Variants in MYH16 observed in about 807,000 individuals in gnomAD.
MYH16 encodes myosin heavy chain 16, also known as putative uncharacterized protein MYH16.
chr7:99,254,660 A>C (rs898808484), intron 8 of MYH16, among the ~76,000 whole-genome samples: 1 of 152,224 alleles, frequency 6.6e-6, no homozygotes, highest in Non-Finnish European at 1.5e-5. Context: ...TCCACGGCAG[A>C]CCTGCCCAGA....
At chr7:99,262,456 C>T (rs1791947554) in intron 13 of MYH16, among the ~76,000 whole-genome samples, 1 of 152,230 alleles carries the variant, frequency 6.6e-6, no homozygotes, top group Non-Finnish European at 1.5e-5. Flanking sequence ...TGCAGCTCTC[C>T]ATCCCCTCTT....
intron 8 of MYH16, among the ~76,000 whole-genome samples, chr7:99,254,961 C>T (rs1791853918): frequency 6.6e-6 from 1 of 151,940 alleles, no homozygotes; most frequent in African/African-American, 2.4e-5. Flanking sequence ...TTAGCAAGAC[C>T]CTGTCTCTAC....
intron 39 of MYH16, among the ~76,000 whole-genome samples, 159 bp from the exon 21 acceptor site, chr7:99,304,427 A>T (rs948413271): frequency 6.6e-6 from 1 of 151,918 alleles, no homozygotes; most frequent in African/African-American, 2.4e-5. Context: ...AGCATAGAGC[A>T]CCCCTTCCAC....
At chr7:99,267,588 C>T (rs141318313) in intron 18 of MYH16, among the ~76,000 whole-genome samples, 2 of 152,314 alleles carry the variant, frequency 1.3e-5, no homozygotes, top group East Asian at 1.9e-4. Context: ...ATGGATCTGG[C>T]CCGTGGGGAA....
intron 8 of MYH16, among the ~76,000 whole-genome samples, chr7:99,255,311 G>C (rs768738359): frequency 6.6e-6 from 1 of 151,986 alleles, no homozygotes; most frequent in Non-Finnish European, 1.5e-5. Context: ...AATTAGCCAG[G>C]TGTGGTGGTG....
intron 30 of MYH16, chr7:99,290,762 C>T (rs1792361173): frequency 6.6e-6 from 1 of 150,396 alleles, no homozygotes; most frequent in Admixed American, 6.6e-5. Context: ...GAGAGCACGC[C>T]ACTGTACTCC....
At chr7:99,264,197 C>T (rs1376760788) in intron 14 of MYH16, 1 of 152,674 alleles carries the variant, frequency 6.5e-6, no homozygotes, top group African/African-American at 2.4e-5. Context: ...CTTAATGGGG[C>T]TGCCTTTCTC....
intron 33 of MYH16, among the ~76,000 whole-genome samples, chr7:99,295,377 C>CAA (rs55710388): frequency 6.9e-5 from 10 of 145,680 alleles, no homozygotes; most frequent in African/African-American, 2.2e-4. Context: ...ACTCTGGCTC[C>CAA]AAAAAAAAAA....
chr7:99,246,082 C>T (rs1312238793), intron 2 of MYH16, among the ~76,000 whole-genome samples: 3 of 151,786 alleles, frequency 2.0e-5, no homozygotes, highest in Non-Finnish European at 2.9e-5. Flanking sequence ...GGCACATGCC[C>T]GTAGTCCCAG....
exon 11 of MYH16, chr7:99,258,312 T>A (rs1383102904): frequency 6.5e-6 from 1 of 154,138 alleles, no homozygotes; most frequent in Admixed American, 6.5e-5. Context: ...TGGCCAGGAT[T>A]AACAAGACCT....
chr7:99,280,867 G>A lies in MYH16; in HGVS notation n.2888-9G>A. The A allele has an allele frequency of 3.0e-6, 1 of 337,542 alleles. No individual in the cohort carries two copies. Among genetic ancestry groups the A allele is most frequent in the Non-Finnish European group, 5.9e-6 (1 of 168,806 alleles). The allele number at this position is 337,542 out of a possible 1,614,324, so 20.9% of individuals were successfully genotyped here. ...AAGGATCTACCTCTCTCCCTGCCCT[G>A]GTTTCTAGGCCCTGGATCACAAGGT... On this transcript the variant is annotated splice_polypyrimidine_tract_variant and intron_variant and non_coding_transcript_variant, in intron 22 of 41. Transcript: ENST00000439784.
chr7:99,241,472 A>C (rs1301303822), intron 1 of MYH16, among the ~76,000 whole-genome samples: 1 of 152,146 alleles, frequency 6.6e-6, no homozygotes, highest in Non-Finnish European at 1.5e-5. Context: ...AATCCCAGTT[A>C]CTTGGGAGGC....
chr7:99,299,700 C>T lies in MYH16; in HGVS notation n.4933+42C>T, dbSNP rs987991912. 21 of 152,946 alleles carry T rather than the reference C, an allele frequency of 1.4e-4. No individual in the cohort carries two copies. The Admixed American group carries it at 1.4e-3, about 10-fold the overall frequency. 9.5% of individuals were successfully genotyped at this position (152,946 alleles called of 1,614,324 possible). A position where few individuals can be genotyped will look rare whatever the true frequency, so the allele number is the denominator to read the frequency against. On this transcript the variant is annotated intron_variant and non_coding_transcript_variant, in intron 37 of 41. Transcript: ENST00000439784. ...AGGAGAAATGAGATACAAGGCACAC[C>T]ATCATTGGTTGAGTCTGAAGGCCTA... is the stretch of plus-strand genomic sequence containing the variant.
At chr7:99,302,715 T>TA (rs967661243) in intron 38 of MYH16, among the ~76,000 whole-genome samples, 1 of 151,916 alleles carries the variant, frequency 6.6e-6, no homozygotes, top group Non-Finnish European at 1.5e-5. Flanking sequence ...ACTCTGTCTC[T>TA]AAAAACATAT....
Position 99,263,273 on chromosome 7 carries a change from G to A in MYH16, n.1756-61G>A, listed in dbSNP as rs149123268. 749 of 152,918 alleles carry A rather than the reference G, an allele frequency of 4.9e-3. 7 individuals are homozygous for A. Among genetic ancestry groups the A allele is most frequent in the South Asian group, 0.018 (88 of 4,830 alleles). 9.5% of individuals were successfully genotyped at this position (152,918 alleles called of 1,614,324 possible). ...GAGAGCTGTAGGAGGGGCTCTAGCT[G>A]TGGCACCTGAAAGGGAGAGGCTGAA... On this transcript the variant is annotated intron_variant and non_coding_transcript_variant, in intron 13 of 41. Coordinates refer to ENST00000439784, the Ensembl canonical transcript of MYH16.
intron 37 of MYH16, among the ~76,000 whole-genome samples, chr7:99,301,045 AT>A (rs1346314005): frequency 6.6e-6 from 1 of 151,870 alleles, no homozygotes; most frequent in Non-Finnish European, 1.5e-5. Context: ...AAATATAAAA[AT>A]TAGCCAGGTG....
intron 20 of MYH16, among the ~76,000 whole-genome samples, chr7:99,276,173 G>A (rs896531059): frequency 1.3e-5 from 2 of 152,208 alleles, no homozygotes; most frequent in Admixed American, 6.5e-5. Context: ...GCTACACAGC[G>A]GCAAAGTATG....
At chr7:99,285,409 C>G (rs1449459729) in exon 27 of MYH16, 2 of 456,626 alleles carry the variant, frequency 4.4e-6, no homozygotes, top group Non-Finnish European at 8.8e-6. Flanking sequence ...GGAAGAAGAA[C>G]TAGAAGCTGA....
At chr7:99,295,038 CAAAT>C (rs898241497) in intron 33 of MYH16, among the ~76,000 whole-genome samples, 10 of 151,816 alleles carry the variant, frequency 6.6e-5, no homozygotes, top group South Asian at 2.1e-4. Flanking sequence ...GACCCTGTCT[CAAAT>C]AAATAAATAG....
Sources: allele counts gnomAD v4.1 joint callset (sites outside exome capture counted in the v4.1 genomes callset), GRCh38; gene constraint gnomAD v4.1.1; transcripts MANE v1.5; gene names NCBI Gene and HGNC (gene_info 2026-07-23, HGNC 2026-07-21).